The following NCKAP5 variants were observed in gnomAD, a reference collection of about 807,000 sequenced individuals.
The protein encoded by NCKAP5 is NCK associated protein 5.
NCKAP5 carries 92 observed loss-of-function variants against 167.0 expected under a neutral mutation model. The ratio of observed to expected loss-of-function variants is 0.55; its 90% CI spans 0.47 to 0.66. The LOEUF (loss-of-function observed/expected upper bound fraction) is 0.66, where lower values mean the gene tolerates loss of function less well. Among genes scored for constraint, NCKAP5 ranks in the 30% least tolerant of loss-of-function variants. NCKAP5 has a pLI of 0.00. For synonymous variants in NCKAP5, 891 were observed against 877.4 expected (o/e 1.02, Z -0.27); for missense variants, 2,378 against 2,315.0 (o/e 1.03, Z -0.56).
At chr2:132,830,083 T>TC (rs1178850286) in intron 11 of NCKAP5, among the ~76,000 whole-genome samples, 2 of 152,166 alleles carry the variant, frequency 1.3e-5, no homozygotes, top group Non-Finnish European at 2.9e-5. Context: ...TTATTCTGGG[T>TC]CCCATCTACC....
intron 11 of NCKAP5, among the ~76,000 whole-genome samples, chr2:132,845,919 T>C (rs1180086426): frequency 1.3e-5 from 2 of 152,228 alleles, no homozygotes; most frequent in African/African-American, 4.8e-5. Flanking sequence ...TGGAGATATA[T>C]TTCCACTTAT....
intron 3 of NCKAP5, among the ~76,000 whole-genome samples, chr2:133,505,244 G>C (rs1009328939): frequency 6.6e-6 from 1 of 152,186 alleles, no homozygotes; most frequent in African/African-American, 2.4e-5. Context: ...CTCATTAATA[G>C]GGGACTGCTG....
At chr2:133,660,364 C>T in the NCKAP5 span, among the ~76,000 whole-genome samples, 4 of 152,014 alleles carry the variant, frequency 2.6e-5, no homozygotes, top group African/African-American at 9.7e-5. Context: ...TTATGTAAAG[C>T]CAAGAGCATG....
rs367826981 is a variant in NCKAP5 at position 133,004,729 on chromosome 2, G to A, written c.342-10490C>T. Among the ~76,000 whole-genome samples, 12 of 152,244 alleles carry A rather than the reference G, an allele frequency of 7.9e-5. No homozygotes were observed. In the East Asian group the frequency reaches 2.3e-3, roughly 29 times the overall value. ...AAACAGGGTTTGAGAGTAGACAACC[G>A]GTATGGCTAGAATTCGCCAGGCTGG... On this transcript the variant is annotated intron_variant, in intron 6 of 19. Coordinates refer to ENST00000409261, the MANE Select transcript of NCKAP5 (RefSeq NM_207363.3).
rs1407994234 is a variant in NCKAP5 at position 132,781,044 on chromosome 2, G to T, written c.5049+8C>A. 6.2e-7 allele frequency: 1 copy of T among 1,612,576 alleles called. No individual in the cohort carries two copies. The highest frequency in any genetic ancestry group is 8.5e-7 in the Non-Finnish European group (1 of 1,179,200). On this transcript the variant is annotated splice_region_variant and intron_variant, in intron 15 of 19. Coordinates refer to ENST00000409261, the MANE Select transcript of NCKAP5 (RefSeq NM_207363.3). ...TAGCACTTGATACCAGGATGGTGGAGCACTTACCAGGGAGTCTTTTGGTAC... is the reference window on the plus strand; with the variant it reads ...TAGCACTTGATACCAGGATGGTGGATCACTTACCAGGGAGTCTTTTGGTAC...
intron 7 of NCKAP5, among the ~76,000 whole-genome samples, chr2:132,973,050 C>G (rs913976826): frequency 1.3e-5 from 2 of 152,052 alleles, no homozygotes; most frequent in Non-Finnish European, 2.9e-5. Flanking sequence ...ATTTTCATCC[C>G]AACTCCAATA....
At chr2:132,932,554 G>A (rs761125130) in intron 8 of NCKAP5, among the ~76,000 whole-genome samples, 6 of 152,196 alleles carry the variant, frequency 3.9e-5, no homozygotes, top group Admixed American at 6.5e-5. Context: ...GCACTCACCA[G>A]ATGGGTTAAG....
intron 6 of NCKAP5, among the ~76,000 whole-genome samples, chr2:133,048,010 G>C (rs2079461435): frequency 6.6e-6 from 1 of 152,160 alleles, no homozygotes; most frequent in South Asian, 2.1e-4. Context: ...CTAAAACTGA[G>C]GTCTTAGAAT....
At position 133,357,316 on chromosome 2, in the gene NCKAP5, C is replaced by CAT. The variant is rs1190013437; in HGVS notation, c.70-54207_70-54206insAT. 9.9e-5 allele frequency among the ~76,000 whole-genome samples: 15 copies of CAT among 151,718 alleles called. No individual in the cohort carries two copies. The South Asian group carries it at 2.7e-3, about 27-fold the overall frequency. On this transcript the variant is annotated intron_variant, in intron 3 of 19. Transcript: ENST00000409261. ...ACACACACACACACACACACACACA[C>CAT]ACACACACACACATACACAGAGGCT... is the stretch of plus-strand genomic sequence containing the variant.
intron 3 of NCKAP5, among the ~76,000 whole-genome samples, chr2:133,314,550 G>A (rs577147841): frequency 6.6e-6 from 1 of 152,244 alleles, no homozygotes; most frequent in Non-Finnish European, 1.5e-5. Flanking sequence ...TGATTACCCC[G>A]ATTACCACCC....
In NCKAP5 at chr2:133,024,998, G is replaced by A. The variant is rs59115630; in HGVS notation, c.342-30759C>T. 7.8e-4 allele frequency among the ~76,000 whole-genome samples: 119 copies of A among 152,066 alleles called. 1 individual carries two copies. The highest frequency in any genetic ancestry group is 4.4e-5 in the Non-Finnish European group (3 of 67,982). Reference sequence around the variant, plus strand: ...GAAAAGATAACCAAGTCGTATAGTTGTCTACTATTTTTGACTATGCTTTTA... The same window carrying A: ...GAAAAGATAACCAAGTCGTATAGTTATCTACTATTTTTGACTATGCTTTTA... On this transcript the variant is annotated intron_variant, in intron 6 of 19. Transcript: ENST00000409261.
At chr2:133,237,997 AC>A (rs977635072) in intron 4 of NCKAP5, among the ~76,000 whole-genome samples, 2 of 152,172 alleles carry the variant, frequency 1.3e-5, no homozygotes, top group Non-Finnish European at 2.9e-5. Context: ...TGTTACAAGC[AC>A]GGGAAGGAAA....
At chr2:133,070,266 T>C (rs923821900) in intron 6 of NCKAP5, among the ~76,000 whole-genome samples, 13 of 152,166 alleles carry the variant, frequency 8.5e-5, no homozygotes, top group African/African-American at 2.7e-4. Context: ...GGATAATAAC[T>C]GGAAACTAAA....
At chr2:133,384,678 C>T (rs1213097764) in intron 3 of NCKAP5, among the ~76,000 whole-genome samples, 1 of 152,144 alleles carries the variant, frequency 6.6e-6, no homozygotes. Flanking sequence ...TTGATTCTTC[C>T]TACCCATGAG....
At chr2:132,824,940 T>G (rs1262632725) in intron 11 of NCKAP5, among the ~76,000 whole-genome samples, 1 of 152,214 alleles carries the variant, frequency 6.6e-6, no homozygotes, top group Admixed American at 6.5e-5. Context: ...TTTATGGTTG[T>G]TTGTTACCAC....
intron 3 of NCKAP5, among the ~76,000 whole-genome samples, chr2:133,414,808 A>G (rs1478433334): frequency 6.6e-6 from 1 of 152,224 alleles, no homozygotes; most frequent in Non-Finnish European, 1.5e-5. Flanking sequence ...ATTATAGCAC[A>G]CAAACTAATA....
At chr2:133,145,250 A>G (rs1157183205) in intron 5 of NCKAP5, among the ~76,000 whole-genome samples, 2 of 152,110 alleles carry the variant, frequency 1.3e-5, no homozygotes, top group Admixed American at 1.3e-4. Context: ...AAAGTTTTAT[A>G]TTTACTATGT....
At chr2:132,748,401 C>A (rs1464361548) in intron 16 of NCKAP5, among the ~76,000 whole-genome samples, 1 of 152,244 alleles carries the variant, frequency 6.6e-6, no homozygotes, top group Admixed American at 6.5e-5. Flanking sequence ...CTTCATCAGG[C>A]TTCACTCCTG....
chr2:132,819,846 G>C (rs567100076), intron 11 of NCKAP5, among the ~76,000 whole-genome samples: 1 of 152,298 alleles, frequency 6.6e-6, no homozygotes, highest in East Asian at 1.9e-4. Flanking sequence ...TCATTCACAC[G>C]ACAAAACCTG....
Sources: gnomAD v4.1 joint callset for allele counts (sites outside exome capture counted in the v4.1 genomes callset) on GRCh38, gnomAD v4.1.1 for gene constraint, MANE v1.5 for transcripts, NCBI Gene and HGNC (gene_info 2026-07-23, HGNC 2026-07-21) for gene names.